Variants in TCP1 observed in about 807,000 individuals in gnomAD.
The protein encoded by TCP1 is T-complex protein 1 subunit alpha.
In TCP1, 6 loss-of-function variants were observed where a neutral mutation model predicts 54.7. The ratio of observed to expected loss-of-function variants is 0.11; its 90% CI spans 0.06 to 0.22. The LOEUF (loss-of-function observed/expected upper bound fraction) is 0.22, where lower values mean the gene tolerates loss of function less well. Among genes scored for constraint, TCP1 ranks in the 10% least tolerant of loss-of-function variants. The probability of loss-of-function intolerance (pLI) is 1.00; values close to 1 mark genes in which losing one functional copy is unlikely to be tolerated. For missense variants in TCP1, 511 were observed against 678.2 expected, an observed-to-expected ratio of 0.75 and a Z score of 2.74; for synonymous variants, 225 against 229.7, an observed-to-expected ratio of 0.98 and a Z score of 0.19.
intron 7 of TCP1, among the ~76,000 whole-genome samples, chr6:159,782,524 A>G (rs942144732): frequency 1.3e-5 from 2 of 152,250 alleles, no homozygotes; most frequent in Non-Finnish European, 2.9e-5. Context: ...GTAGAAATCA[A>G]GCGGTCTTGG....
chr6:159,783,784 A>G (rs1228940971), intron 7 of TCP1, among the ~76,000 whole-genome samples, 157 bp downstream of exon 7: 1 of 152,230 alleles, frequency 6.6e-6, no homozygotes, highest in Non-Finnish European at 1.5e-5. Flanking sequence ...AATTCCACAA[A>G]AAGGCCGATT....
chr6:159,785,485 C>T lies in TCP1; in HGVS notation c.389G>A (p.Arg130His), dbSNP rs192689013. 7.4e-6 allele frequency: 12 copies of T among 1,612,858 alleles called. No individual in the cohort carries two copies. The Admixed American group carries it at 8.3e-5, about 11-fold the overall frequency. The change falls in exon 5 of 12, where the codon CGT (arginine) becomes CAT (histidine). Residue 130 changes from arginine to histidine, a missense_variant. Physicochemically the swap from Arg to His is conservative, Grantham distance 29. Around this residue, in one of 5 missense-constraint regions of TCP1, gnomAD observed 305 missense variants for 352.8 expected, o/e 0.86. Coordinates refer to ENST00000321394, the MANE Select transcript of TCP1 (RefSeq NM_030752.3). ...GYRLACKEAV[R>H]YINENLIVNT... ...AACAATTAGGTTTTCATTGATATAA[C>T]GCACTGCTTCCCTGTTTAAAAGTGT...
At chr6:159,780,330 C>G in intron 9 of TCP1, 113 bp downstream of exon 9, 1 of 1,493,944 alleles carries the variant, frequency 6.7e-7, no homozygotes, top group Non-Finnish European at 9.3e-7. Context: ...TTATCCCATG[C>G]GTATAACTGC....
At position 159,786,580 on chromosome 6, in the gene TCP1, A is replaced by C. The variant is rs144890080; in HGVS notation, c.280-583T>G. Among the ~76,000 whole-genome samples, 89 of 152,360 alleles carry C rather than the reference A, an allele frequency of 5.8e-4. No individual in the cohort carries two copies. The East Asian group carries it at 0.012, about 21-fold the overall frequency. On this transcript the variant is annotated intron_variant, in intron 3 of 11. Coordinates refer to ENST00000321394, the MANE Select transcript of TCP1 (RefSeq NM_030752.3). ...AAAAAGATAGTTCTTCAAGTTGATA[A>C]AACACTAAGAAATATTTTTAAAGCA...
At position 159,778,967 on chromosome 6, in the gene TCP1, T is replaced by C. The variant is rs1483028777; in HGVS notation, c.*78A>G. The stretch of plus-strand genomic sequence containing the variant: ...AAAACCCAAGTTTACAGCTTGTACT[T>C]TACTTTAATGTGTAATACTCAACTC... On this transcript the variant is annotated 3_prime_UTR_variant, in exon 12 of 12. Transcript: ENST00000321394. 1 of 1,561,014 alleles carries C rather than the reference T, an allele frequency of 6.4e-7. No individual in the cohort carries two copies. The highest frequency in any genetic ancestry group is 8.7e-7 in the Non-Finnish European group (1 of 1,146,162).
At chr6:159,784,934 C>A in intron 5 of TCP1, 87 bp from the exon 6 acceptor site, 1 of 1,303,408 alleles carries the variant, frequency 7.7e-7, no homozygotes, top group Non-Finnish European at 1.1e-6. Context: ...AAGGGACTTC[C>A]TTTTAGTAAT....
Position 159,779,887 on chromosome 6 carries a change from G to C in TCP1, c.1290+8C>G. On this transcript the variant is annotated splice_region_variant and intron_variant, in intron 10 of 11. Transcript: ENST00000321394. ...CAGGCCTCTAAGACAAGAAATGACT[G>C]TTCTTACCATGCTGGTTGCATAGTT... The C allele has an allele frequency of 6.2e-7, 1 of 1,613,590 alleles. No homozygotes were observed. Among genetic ancestry groups the C allele is most frequent in the Non-Finnish European group, 8.5e-7 (1 of 1,179,866 alleles).
intron 5 of TCP1, 88 bp downstream of exon 5, chr6:159,785,298 G>C: frequency 1.0e-6 from 1 of 998,664 alleles, no homozygotes; most frequent in East Asian, 2.4e-5. Flanking sequence ...CTCCTTAGTA[G>C]CTGGGACTAC....
At chr6:159,785,555 T>C (rs1780675424) in intron 4 of TCP1, 59 bp from the exon 5 acceptor site, 1 of 1,301,066 alleles carries the variant, frequency 7.7e-7, no homozygotes, top group African/African-American at 1.5e-5. Context: ...ACTCTTTGCA[T>C]TCATCATGCT....
chr6:159,786,018 G>C, intron 3 of TCP1, 21 bp from the exon 4 acceptor site: 1 of 1,579,878 alleles, frequency 6.3e-7, no homozygotes, highest in Non-Finnish European at 8.7e-7. Flanking sequence ...AACATTCACT[G>C]GTCTGAGTGT....
Position 159,789,499 on chromosome 6 carries a change from C to T in TCP1, c.-31G>A, listed in dbSNP as rs1051802476. On this transcript the variant is annotated 5_prime_UTR_variant, in exon 1 of 12. Transcript: ENST00000321394. The stretch of plus-strand genomic sequence containing the variant: ...CGGCAGCGATACACGTCGAATTCTG[C>T]TTACACCGCGGGCAACCAGTATCGC... 6.2e-7 allele frequency: 1 copy of T among 1,613,568 alleles called. No individual in the cohort carries two copies. The highest frequency in any genetic ancestry group is 1.1e-5 in the South Asian group (1 of 91,066).
At chr6:159,781,583 G>GC (rs888804001) in intron 7 of TCP1, among the ~76,000 whole-genome samples, 1 of 152,150 alleles carries the variant, frequency 6.6e-6, no homozygotes, top group African/African-American at 2.4e-5. Context: ...GACCAACCTG[G>GC]CCAACACGGT....
At position 159,779,980 on chromosome 6, in the gene TCP1, A is replaced by C; in HGVS notation, c.1205T>G (p.Val402Gly). 2 of 1,613,864 alleles carry C rather than the reference A, an allele frequency of 1.2e-6. No individual in the cohort carries two copies. Residue 402 changes from valine (V) to glycine (G), a missense_variant, in exon 10 of 12, where the codon GTT becomes GGT. Val to Gly is a moderately radical substitution (Grantham distance 109). This residue lies in a region of TCP1 where 305 missense variants were observed against 352.8 expected (regional missense o/e 0.86). Transcript: ENST00000321394. ...LHDALCVVKR[V>G]LESKSVVPGG... ...GGGAACCACAGATTTTGACTCCAAA[A>C]CTCTCTTCACTACACAAAGTGCATC...
chr6:159,788,118 A>C lies in TCP1; in HGVS notation c.90T>G (p.Asn30Lys). Residue 30 changes from asparagine to lysine, a missense_variant, in exon 2 of 12, where the codon AAT (asparagine) becomes AAG (lysine). Coordinates refer to ENST00000321394, the MANE Select transcript of TCP1 (RefSeq NM_030752.3). ...CTGGACCAAGAGAACTTTTTACAAT[A>C]TTGGCAATCGAAGCTGCAGCCATAA... ...QNVMAAASIA[N>K]IVKSSLGPVG... 1 of 1,614,172 alleles carries C rather than the reference A, an allele frequency of 6.2e-7. No homozygotes were observed. The highest frequency in any genetic ancestry group is 8.5e-7 in the Non-Finnish European group (1 of 1,180,034).
chr6:159,785,351 A>G lies in TCP1; in HGVS notation c.488+35T>C, dbSNP rs541877201. ...CCCATCTCAAAGTCTTATGCTTTAAAAAGTCTAAATTTTATCTGACAACCA... is the reference window on the plus strand; with the variant it reads ...CCCATCTCAAAGTCTTATGCTTTAAGAAGTCTAAATTTTATCTGACAACCA... On this transcript the variant is annotated intron_variant, in intron 5 of 11. Coordinates refer to ENST00000321394, the MANE Select transcript of TCP1 (RefSeq NM_030752.3). 2.6e-6 allele frequency: 4 copies of G among 1,535,114 alleles called. No homozygotes were observed. The East Asian group carries it at 6.7e-5, about 26-fold the overall frequency.
intron 3 of TCP1, among the ~76,000 whole-genome samples, chr6:159,786,387 G>C (rs1780698200): frequency 1.3e-5 from 2 of 152,096 alleles, no homozygotes; most frequent in South Asian, 4.1e-4. Flanking sequence ...GCCAAAACTG[G>C]GTAGGAGCCA....
intron 1 of TCP1, chr6:159,788,472 G>A (rs376781943): frequency 7.6e-6 from 2 of 262,666 alleles, no homozygotes; most frequent in East Asian, 9.3e-5. Context: ...TGTGCTTGGA[G>A]AATGCAGTGA....
chr6:159,778,712 C>A lies in TCP1; in HGVS notation c.*333G>T, dbSNP rs1356999096. 1 of 1,614,236 alleles carries A rather than the reference C, an allele frequency of 6.2e-7. No individual in the cohort carries two copies. The highest frequency in any genetic ancestry group is 1.7e-5 in the Admixed American group (1 of 60,026). Reference sequence around the variant, plus strand: ...TGGGCCACCCTCTTGGAGCATCTGGCTGTCGAATTCTTGTGACCCTGTTAC... The same window carrying A: ...TGGGCCACCCTCTTGGAGCATCTGGATGTCGAATTCTTGTGACCCTGTTAC... On this transcript the variant is annotated 3_prime_UTR_variant, in exon 12 of 12. Transcript: ENST00000321394.
intron 7 of TCP1, among the ~76,000 whole-genome samples, chr6:159,781,677 C>CA (rs773636775): frequency 6.6e-6 from 1 of 152,156 alleles, no homozygotes; most frequent in African/African-American, 2.4e-5. Context: ...GAGACTGAGG[C>CA]AGGAGTATCA....
Sources: allele counts gnomAD v4.1 joint callset (sites outside exome capture counted in the v4.1 genomes callset), GRCh38; gene constraint gnomAD v4.1.1; regional missense constraint gnomAD v4.1.1; transcripts MANE v1.5; gene names NCBI Gene and HGNC (gene_info 2026-07-23, HGNC 2026-07-21).